The following C6 variants were observed in gnomAD, a reference collection of about 807,000 sequenced individuals.
The protein encoded by C6 is complement C6.
In C6, 101 loss-of-function variants were observed where a neutral mutation model predicts 112.9. That is an observed-to-expected ratio of 0.89 (90% CI 0.76 to 1.06). C6 has a LOEUF of 1.06. C6 is among the 50% of genes least tolerant of loss of function. C6 has a pLI of 0.00. For missense variants in C6, 1,202 were observed against 1,104.6 expected (o/e 1.09, Z -1.25); for synonymous variants, 431 against 384.1 (o/e 1.12, Z -1.43).
intron 5 of C6, among the ~76,000 whole-genome samples, chr5:41,195,571 G>A (rs562439011): frequency 1.3e-5 from 2 of 152,292 alleles, no homozygotes; most frequent in East Asian, 3.9e-4. Flanking sequence ...CCATAGCATT[G>A]CCTGGCACAA....
At chr5:41,242,153 C>A (rs915881118) in intron 1 of C6, among the ~76,000 whole-genome samples, 1 of 152,046 alleles carries the variant, frequency 6.6e-6, no homozygotes, top group Admixed American at 6.5e-5. Flanking sequence ...CTGTGTCCTC[C>A]CACCCAAAAT....
chr5:41,244,122 A>T (rs186535766), intron 1 of C6, among the ~76,000 whole-genome samples: 43 of 152,336 alleles, frequency 2.8e-4, no homozygotes, highest in South Asian at 1.2e-3. Flanking sequence ...ATAGAAAAAG[A>T]TACTTTTGAA....
intron 15 of C6, among the ~76,000 whole-genome samples, chr5:41,152,344 C>T (rs1234004840): frequency 1.3e-5 from 2 of 152,078 alleles, no homozygotes; most frequent in Admixed American, 6.6e-5. Flanking sequence ...GGTTTCTTTG[C>T]TCATGTTGAG....
Position 41,149,330 on chromosome 5 carries a change from C to G in C6, c.2534G>C (p.Trp845Ser), listed in dbSNP as rs1746149971. 6.2e-7 allele frequency: 1 copy of G among 1,613,888 alleles called. No individual in the cohort carries two copies. Among genetic ancestry groups the G allele is most frequent in the South Asian group, 1.1e-5 (1 of 91,070 alleles). ...TGAAAGTCTTGTCCTTTCAAGACCC[C>G]ATTCTAACTGGCGGCCGTCTTGGCA... ...GSCQDGRQLEWGLERTRLSSN... is the reference protein window; with the variant it reads ...GSCQDGRQLESGLERTRLSSN... The change falls in exon 17 of 18, where the codon TGG becomes TCG. Residue 845 changes from tryptophan to serine, a missense_variant. By Grantham distance (177) the Trp-to-Ser change is radical. Coordinates refer to ENST00000337836, the MANE Select transcript of C6 (RefSeq NM_000065.5).
At chr5:41,256,653 C>T (rs73075913) in intron 1 of C6, among the ~76,000 whole-genome samples, 3,861 of 152,106 alleles carry the variant, frequency 0.025, 162 homozygotes, top group African/African-American at 0.088. Flanking sequence ...ATAAAGCTTG[C>T]CTGGTTTTAT....
chr5:41,214,603 G>A (rs140884977), upstream of C6, among the ~76,000 whole-genome samples: 25 of 152,150 alleles, frequency 1.6e-4, no homozygotes, highest in African/African-American at 6.0e-4. Context: ...CTAGTTTGGG[G>A]CTGGGATAGC....
chr5:41,199,149 A>G (rs934076146), intron 4 of C6, among the ~76,000 whole-genome samples: 1 of 152,152 alleles, frequency 6.6e-6, no homozygotes, highest in African/African-American at 2.4e-5. Context: ...TTTCTGTGGA[A>G]TTGGAAATTT....
Position 41,170,345 on chromosome 5 carries a change from T to C in C6, c.1291+1880A>G, listed in dbSNP as rs949295499. ...TTGTCCTTGCATTGTATAATTTATT[T>C]ATAATTATAATGATTATGTTTCTCA... On this transcript the variant is annotated intron_variant, in intron 9 of 17. Transcript: ENST00000337836. Among the ~76,000 whole-genome samples, 4 of 152,090 alleles carry C rather than the reference T, an allele frequency of 2.6e-5. No homozygotes were observed. The East Asian group carries it at 7.7e-4, about 29-fold the overall frequency.
At chr5:41,178,165 C>T (rs900173429) in intron 7 of C6, among the ~76,000 whole-genome samples, 1 of 152,126 alleles carries the variant, frequency 6.6e-6, no homozygotes, top group African/African-American at 2.4e-5. Flanking sequence ...GGTTATTAAA[C>T]CACATATAAT....
chr5:41,239,039 T>C (rs1740519042), intron 1 of C6, among the ~76,000 whole-genome samples: 1 of 152,004 alleles, frequency 6.6e-6, no homozygotes, highest in African/African-American at 2.4e-5. Flanking sequence ...ATGCATAGAA[T>C]GCATAATTAT....
At chr5:41,219,924 G>T (rs1456734036) in intron 1 of C6, among the ~76,000 whole-genome samples, 1 of 152,202 alleles carries the variant, frequency 6.6e-6, no homozygotes, top group East Asian at 1.9e-4. Flanking sequence ...GAAGACAGCA[G>T]TTTCCAATCA....
chr5:41,233,396 G>A (rs770827433), intron 1 of C6, among the ~76,000 whole-genome samples: 2 of 152,036 alleles, frequency 1.3e-5, no homozygotes, highest in South Asian at 4.1e-4. Flanking sequence ...GTGTAAATGG[G>A]CTATATGATG....
At chr5:41,174,876 T>C (rs1325487523) in intron 8 of C6, among the ~76,000 whole-genome samples, 5 of 152,188 alleles carry the variant, frequency 3.3e-5, no homozygotes, top group African/African-American at 9.7e-5. Context: ...CATATTTATC[T>C]AGAGAGTTGG....
At chr5:41,212,612 C>A (rs1752017985) in intron 1 of C6, among the ~76,000 whole-genome samples, 1 of 152,118 alleles carries the variant, frequency 6.6e-6, no homozygotes, top group African/African-American at 2.4e-5. Flanking sequence ...TTACCCATTA[C>A]TGTACAATTT....
chr5:41,182,607 A>T (rs1304050641), intron 6 of C6, among the ~76,000 whole-genome samples: 1 of 152,196 alleles, frequency 6.6e-6, no homozygotes, highest in East Asian at 1.9e-4. Flanking sequence ...AATACTACAA[A>T]AGAAGGGAAG....
At chr5:41,167,227 A>G (rs1474546752) in intron 9 of C6, among the ~76,000 whole-genome samples, 1 of 152,082 alleles carries the variant, frequency 6.6e-6, no homozygotes, top group Non-Finnish European at 1.5e-5. Flanking sequence ...ATAGATTTGA[A>G]GGCTAGGGTT....
At chr5:41,198,318 A>C (rs781461915) in intron 4 of C6, among the ~76,000 whole-genome samples, 8 of 152,304 alleles carry the variant, frequency 5.3e-5, no homozygotes, top group Non-Finnish European at 1.0e-4. Context: ...TCCCATTGAC[A>C]GTGGCATTAG....
intron 15 of C6, chr5:41,152,684 G>A (rs1229601933): frequency 1.3e-5 from 2 of 152,134 alleles, no homozygotes; most frequent in African/African-American, 2.4e-5. Context: ...CCTGAACTTG[G>A]AGACCTATCC....
intron 1 of C6, among the ~76,000 whole-genome samples, chr5:41,260,786 A>G (rs1045981654): frequency 6.6e-6 from 1 of 151,730 alleles, no homozygotes; most frequent in Non-Finnish European, 1.5e-5. Flanking sequence ...AAAAAAAAAA[A>G]CAAAACAAAA....
Sources: gnomAD v4.1 joint callset for allele counts (sites outside exome capture counted in the v4.1 genomes callset) on GRCh38, gnomAD v4.1.1 for gene constraint, MANE v1.5 for transcripts, NCBI Gene and HGNC (gene_info 2026-07-23, HGNC 2026-07-21) for gene names.